The following TACC2 variants were observed in gnomAD, a reference collection of about 807,000 sequenced individuals.
The protein encoded by TACC2 is transforming acidic coiled-coil containing protein 2.
TACC2 carries 137 observed loss-of-function variants against 227.3 expected under a neutral mutation model. That is an observed-to-expected ratio of 0.60 (90% CI 0.52 to 0.69). The LOEUF is 0.69. TACC2 is among the 30% of genes least tolerant of loss of function. TACC2 has a pLI of 0.00. For missense variants in TACC2, 3,470 were observed against 3,694.4 expected (o/e 0.94, Z 1.57); for synonymous variants, 1,523 against 1,487.5 (o/e 1.02, Z -0.55).
chr10:122,048,393 T>TTTCC (rs138157333), intron 2 of TACC2, among the ~76,000 whole-genome samples: 58 of 141,158 alleles, frequency 4.1e-4, no homozygotes, highest in Middle Eastern at 4.0e-3. Context: ...TTCTCCTCCC[T>TTTCC]TTCCTTCCTT....
chr10:122,150,033 C>A lies in TACC2; in HGVS notation c.5834+6327C>A, dbSNP rs564260493. Among the ~76,000 whole-genome samples, 1 of 152,202 alleles carries A rather than the reference C, an allele frequency of 6.6e-6. No individual in the cohort carries two copies. The highest frequency in any genetic ancestry group is 1.5e-5 in the Non-Finnish European group (1 of 68,038). On this transcript the variant is annotated intron_variant, in intron 7 of 22. Transcript: ENST00000369005. This position sits in a 1 kb window ranked among gnomAD's most constrained non-coding sequence, Gnocchi z 4.0. ...TGCTGGGCTGTCCCGCTGGCTTCAG[C>A]CTGAGGAGCAGGAGCAGAGGGCGTC...
At chr10:122,100,116 T>C (rs10887066) in intron 5 of TACC2, among the ~76,000 whole-genome samples, 30,204 of 151,832 alleles carry the variant, frequency 0.2, 3,166 homozygotes, top group East Asian at 0.3. Context: ...AATACAAAAT[T>C]AGCCAAGCGT....
intron 5 of TACC2, among the ~76,000 whole-genome samples, chr10:122,090,728 T>A: frequency 6.6e-6 from 1 of 152,074 alleles, no homozygotes. Context: ...AAACAAATCC[T>A]TAAAAAATTA....
intron 5 of TACC2, among the ~76,000 whole-genome samples, chr10:122,130,478 C>T (rs144728206): frequency 5.3e-5 from 8 of 152,188 alleles, no homozygotes; most frequent in East Asian, 1.9e-4. Context: ...GACAGGGTCA[C>T]CCTATGCTTC....
At chr10:122,060,301 T>TAGAGCCCCAGGC (rs572657151) in intron 3 of TACC2, among the ~76,000 whole-genome samples, 2 of 152,162 alleles carry the variant, frequency 1.3e-5, no homozygotes, top group East Asian at 3.9e-4. Flanking sequence ...GGGGCCCAGG[T>TAGAGCCCCAGGC]AGAGCCCCAG....
chr10:122,083,258 C>T lies in TACC2; in HGVS notation c.758C>T (p.Pro253Leu). 6.2e-7 allele frequency: 1 copy of T among 1,613,732 alleles called. No individual in the cohort carries two copies. The highest frequency in any genetic ancestry group is 1.6e-4 in the Middle Eastern group (1 of 6,062). ...VASVQVTPEAPAAAQQGTESS... is the reference protein window; with the variant it reads ...VASVQVTPEALAAAQQGTESS... ...TCTGTGCAAGTGACCCCTGAGGCCCCTGCTGCAGCCCAGCAGGGCACAGAA... is the reference window on the plus strand; with the variant it reads ...TCTGTGCAAGTGACCCCTGAGGCCCTTGCTGCAGCCCAGCAGGGCACAGAA... Residue 253 changes from proline (P) to leucine (L), a missense_variant, in exon 4 of 23, where the codon CCT (proline) becomes CTT (leucine). Pro to Leu is a moderately conservative substitution (Grantham distance 98). Coordinates refer to ENST00000369005, the MANE Select transcript of TACC2 (RefSeq NM_206862.4).
At chr10:121,990,509 T>G (rs972108920) in intron 1 of TACC2, among the ~76,000 whole-genome samples, 5 of 149,976 alleles carry the variant, frequency 3.3e-5, no homozygotes. Flanking sequence ...GGGCAAAGGG[T>G]AGATTCCATT....
chr10:122,006,859 ATTTTTTTT>A (rs34965370), intron 1 of TACC2, among the ~76,000 whole-genome samples: 8 of 107,036 alleles, frequency 7.5e-5, no homozygotes, highest in Admixed American at 2.0e-4. Context: ...TGCTTTCCTG[ATTTTTTTT>A]TTTTTTTTTT....
chr10:122,171,739 G>A (rs2093481465), intron 7 of TACC2, among the ~76,000 whole-genome samples: 1 of 152,204 alleles, frequency 6.6e-6, no homozygotes, highest in Non-Finnish European at 1.5e-5. Flanking sequence ...CAAATCAGAG[G>A]CCTCTTCCCA....
chr10:122,228,099 A>ACT (rs2095662797), intron 14 of TACC2, 91 bp downstream of exon 14: 1 of 1,364,048 alleles, frequency 7.3e-7, no homozygotes, highest in African/African-American at 1.5e-5. Flanking sequence ...TCAGAGCAAC[A>ACT]CTCACCTGGC....
chr10:122,156,246 CAG>C (rs1225338288), intron 7 of TACC2, among the ~76,000 whole-genome samples: 2 of 146,758 alleles, frequency 1.4e-5, no homozygotes, highest in Non-Finnish European at 3.0e-5. Context: ...TTTTTTGAGA[CAG>C]AGTCTTGCTC....
At chr10:122,077,036 A>G (rs536766228) in intron 3 of TACC2, among the ~76,000 whole-genome samples, 1 of 150,000 alleles carries the variant, frequency 6.7e-6, no homozygotes, top group East Asian at 2.0e-4. Flanking sequence ...AATTGCCTGA[A>G]CCCAGGAGGC....
chr10:122,072,910 G>A (rs1465212621), intron 3 of TACC2, among the ~76,000 whole-genome samples: 1 of 151,640 alleles, frequency 6.6e-6, no homozygotes, highest in Admixed American at 6.6e-5. Context: ...TCAGGAGATG[G>A]AGACCATCCT....
intron 7 of TACC2, among the ~76,000 whole-genome samples, chr10:122,182,751 A>G (rs1346185111): frequency 6.6e-6 from 1 of 152,192 alleles, no homozygotes; most frequent in Non-Finnish European, 1.5e-5. Flanking sequence ...GCTTTTCTTC[A>G]TTTTGACTAG....
At chr10:122,014,733 G>T (rs946950037) in intron 1 of TACC2, among the ~76,000 whole-genome samples, 11 of 152,128 alleles carry the variant, frequency 7.2e-5, no homozygotes, top group Non-Finnish European at 1.5e-4. Context: ...CAAGTCCCCA[G>T]TTATGCTCTT....
At chr10:122,190,335 G>T (rs1245475291) in intron 7 of TACC2, among the ~76,000 whole-genome samples, 3 of 152,232 alleles carry the variant, frequency 2.0e-5, no homozygotes, top group African/African-American at 7.2e-5. Context: ...TTCACACGGT[G>T]TGTCAGCTGT....
At chr10:122,022,775 G>A (rs1037867905) in intron 2 of TACC2, 1 of 152,232 alleles carries the variant, frequency 6.6e-6, no homozygotes, top group Non-Finnish European at 1.5e-5. Context: ...TCATTCTCAT[G>A]TTAAACAAGG....
At chr10:122,182,807 A>C (rs529623193) in intron 7 of TACC2, among the ~76,000 whole-genome samples, 1 of 152,304 alleles carries the variant, frequency 6.6e-6, no homozygotes, top group African/African-American at 2.4e-5. Context: ...AGAAAGGTAG[A>C]TATACAAGAG....
chr10:122,234,421 C>T (rs1367636861), intron 16 of TACC2, among the ~76,000 whole-genome samples: 1 of 152,230 alleles, frequency 6.6e-6, no homozygotes, highest in African/African-American at 2.4e-5. Context: ...TTTTTGGCCC[C>T]TCTAAAGTAG....
Sources: gnomAD v4.1 joint callset for allele counts (sites outside exome capture counted in the v4.1 genomes callset) on GRCh38, gnomAD v4.1.1 for gene constraint, Gnocchi (gnomAD v3.1) non-coding constraint, MANE v1.5 for transcripts, NCBI Gene and HGNC (gene_info 2026-07-23, HGNC 2026-07-21) for gene names.